The following PCDHGA12 variants were observed in gnomAD, a reference collection of about 807,000 sequenced individuals.
The protein encoded by PCDHGA12 is protocadherin gamma subfamily A, 12, also known as protocadherin gamma-A12.
In PCDHGA12, 43 loss-of-function variants were observed where a neutral mutation model predicts 61.1. That is an observed-to-expected ratio of 0.70 (90% CI 0.55 to 0.91). PCDHGA12 has a LOEUF of 0.91. Among genes scored for constraint, PCDHGA12 ranks in the 40% least tolerant of loss-of-function variants. PCDHGA12 has a pLI of 0.00. For synonymous variants in PCDHGA12, 520 were observed against 542.9 expected, an observed-to-expected ratio of 0.96 and a Z score of 0.59; for missense variants, 1,236 against 1,227.7, an observed-to-expected ratio of 1.01 and a Z score of -0.10.
chr5:141,496,992 C>T (rs1055856428), intron 2 of PCDHGA12, among the ~76,000 whole-genome samples: 2 of 151,918 alleles, frequency 1.3e-5, no homozygotes, highest in African/African-American at 2.4e-5. Context: ...TTGAGACCAG[C>T]CTGGCAGCCA....
At position 141,432,643 on chromosome 5, in the gene PCDHGA12, G is replaced by A. The variant is rs2097523971; in HGVS notation, c.1884G>A (p.Thr628=). 15 of 1,613,754 alleles carry A rather than the reference G, an allele frequency of 9.3e-6. No homozygotes were observed. Among genetic ancestry groups the A allele is most frequent in the East Asian group, 4.5e-5 (2 of 44,860 alleles). The part of the protein sequence containing the change: ...SVGLHTGEVR[T]ARALLDRDAL... ...GTCTGCACACGGGCGAGGTGCGCAC[G>A]GCGCGAGCCCTGCTGGACAGAGACG... The change falls in exon 1 of 4, where the codon ACG becomes ACA. Residue 628 remains threonine, a synonymous_variant. Coordinates refer to ENST00000252085, the MANE Select transcript of PCDHGA12 (RefSeq NM_003735.3). This position sits in a 1 kb window ranked among gnomAD's most constrained non-coding sequence, Gnocchi z 6.0.
At position 141,450,006 on chromosome 5, in the gene PCDHGA12, C is replaced by CTTTTT. The variant is rs1554136305; in HGVS notation, c.2424+16837_2424+16841dup. ...CACATTGCATTTAGTTGCCATGTCTCTTTTTTTTTTTTTTTTTTGAGACAG... is the reference window on the plus strand; with the variant it reads ...CACATTGCATTTAGTTGCCATGTCTCTTTTTTTTTTTTTTTTTTTTTTTGAGACAG... On this transcript the variant is annotated intron_variant, in intron 1 of 3. Transcript: ENST00000252085. Among the ~76,000 whole-genome samples the CTTTTT allele has an allele frequency of 3.4e-4, 45 of 132,908 alleles. 3 individuals carry two copies. Among genetic ancestry groups the CTTTTT allele is most frequent in the South Asian group, 7.1e-4 (3 of 4,236 alleles). 87.2% of individuals were successfully genotyped at this position (132,908 alleles called of 152,430 possible).
In PCDHGA12 at chr5:141,431,469, A is replaced by G; in HGVS notation, c.710A>G (p.Asp237Gly). 1.9e-6 allele frequency: 3 copies of G among 1,613,824 alleles called. No individual in the cohort carries two copies. Among genetic ancestry groups the G allele is most frequent in the Non-Finnish European group, 2.5e-6 (3 of 1,179,968 alleles). ...RIRVMVLDAN[D>G]NAPAFAQPEY... ...CGCGTGATGGTTCTGGATGCGAACG[A>G]CAACGCACCAGCGTTTGCTCAGCCC... is the stretch of plus-strand genomic sequence containing the variant. Residue 237 changes from aspartate to glycine, a missense_variant, in exon 1 of 4, where the codon GAC becomes GGC. Coordinates refer to ENST00000252085, the MANE Select transcript of PCDHGA12 (RefSeq NM_003735.3). This position sits in a 1 kb window ranked among gnomAD's most constrained non-coding sequence, Gnocchi z 4.8.
Position 141,486,335 on chromosome 5 carries a change from C to T in PCDHGA12, c.2425-8472C>T, listed in dbSNP as rs762408704. ...AGGGTCAAACGGAGATGTGAGCCTC[C>T]GCATTCCTGACCACTTGCCATTTGC... On this transcript the variant is annotated intron_variant, in intron 1 of 3. Transcript: ENST00000252085. The surrounding 1 kb of genome is among the most constrained non-coding windows in gnomAD (Gnocchi z 5.0). 6.2e-6 allele frequency: 10 copies of T among 1,613,936 alleles called. No individual in the cohort carries two copies. Among genetic ancestry groups the T allele is most frequent in the Middle Eastern group, 1.6e-4 (1 of 6,082 alleles).
chr5:141,456,633 C>CT (rs1229637837), intron 1 of PCDHGA12, among the ~76,000 whole-genome samples: 1 of 152,182 alleles, frequency 6.6e-6, no homozygotes, highest in Non-Finnish European at 1.5e-5. Context: ...CTCTTCTTTA[C>CT]TACAGGTGTT....
Position 141,477,934 on chromosome 5 carries a change from C to T in PCDHGA12, c.2425-16873C>T. Reference sequence around the variant, plus strand: ...CGGATGCAGGGCACAATGCCTGGCTCTCCTACAGTCTCTTGGGATCCCCTA... The same window carrying T: ...CGGATGCAGGGCACAATGCCTGGCTTTCCTACAGTCTCTTGGGATCCCCTA... On this transcript the variant is annotated intron_variant, in intron 1 of 3. Coordinates refer to ENST00000252085, the MANE Select transcript of PCDHGA12 (RefSeq NM_003735.3). This position sits in a 1 kb window ranked among gnomAD's most constrained non-coding sequence, Gnocchi z 4.9. 3.1e-6 allele frequency: 5 copies of T among 1,614,204 alleles called. No individual in the cohort carries two copies. The highest frequency in any genetic ancestry group is 4.2e-6 in the Non-Finnish European group (5 of 1,180,036).
intron 1 of PCDHGA12, among the ~76,000 whole-genome samples, chr5:141,435,314 G>C (rs1490871069): frequency 6.6e-6 from 1 of 152,006 alleles, no homozygotes; most frequent in African/African-American, 2.4e-5. Flanking sequence ...AATCATTCAT[G>C]AACTTCCAAA....
chr5:141,481,066 A>G (rs1366968394), intron 1 of PCDHGA12, among the ~76,000 whole-genome samples: 1 of 152,156 alleles, frequency 6.6e-6, no homozygotes, highest in Non-Finnish European at 1.5e-5. Flanking sequence ...TCAAAAACAA[A>G]AAGAAAGAAA....
At chr5:141,497,209 TG>T (rs11343387) in intron 2 of PCDHGA12, among the ~76,000 whole-genome samples, 90,704 of 151,262 alleles carry the variant, frequency 0.6, 29,397 homozygotes, top group African/African-American at 0.86. Context: ...GTGAGTGTAA[TG>T]GGGGGGGGAA....
rs781367282 is a variant in PCDHGA12 at position 141,485,525 on chromosome 5, C to G, written c.2425-9282C>G. On this transcript the variant is annotated intron_variant, in intron 1 of 3. Transcript: ENST00000252085. This position sits in a 1 kb window ranked among gnomAD's most constrained non-coding sequence, Gnocchi z 5.7. ...CACCGAAGGTCCTTTGGAAATGTAC[C>G]GAGCAGAGGTAGAGATCGTAGATGT... is the stretch of plus-strand genomic sequence containing the variant. 5 of 1,614,122 alleles carry G rather than the reference C, an allele frequency of 3.1e-6. No homozygotes were observed. The highest frequency in any genetic ancestry group is 2.5e-6 in the Non-Finnish European group (3 of 1,180,022).
chr5:141,472,602 T>A (rs1032061805), intron 1 of PCDHGA12, among the ~76,000 whole-genome samples: 1 of 152,026 alleles, frequency 6.6e-6, no homozygotes, highest in South Asian at 2.1e-4. Context: ...CTTGAAATTA[T>A]AAAACAAAGA....
At position 141,477,896 on chromosome 5, in the gene PCDHGA12, G is replaced by A. The variant is rs1444527086; in HGVS notation, c.2425-16911G>A. 2 of 1,614,174 alleles carry A rather than the reference G, an allele frequency of 1.2e-6. No individual in the cohort carries two copies. Among genetic ancestry groups the A allele is most frequent in the Non-Finnish European group, 1.7e-6 (2 of 1,180,038 alleles). ...AGCTGGCCACCTAGTGTCACGGGTG[G>A]TAGGCTGGGACGCGGATGCAGGGCA... On this transcript the variant is annotated intron_variant, in intron 1 of 3. Coordinates refer to ENST00000252085, the MANE Select transcript of PCDHGA12 (RefSeq NM_003735.3). The surrounding 1 kb of genome is among the most constrained non-coding windows in gnomAD (Gnocchi z 4.9).
At chr5:141,503,133 C>A (rs1164077875) in intron 2 of PCDHGA12, among the ~76,000 whole-genome samples, 1 of 152,002 alleles carries the variant, frequency 6.6e-6, no homozygotes, top group Non-Finnish European at 1.5e-5. Context: ...CTGGTAGCCC[C>A]TGACACAGCC....
chr5:141,486,091 G>A lies in PCDHGA12; in HGVS notation c.2425-8716G>A, dbSNP rs2099624256. On this transcript the variant is annotated intron_variant, in intron 1 of 3. Coordinates refer to ENST00000252085, the MANE Select transcript of PCDHGA12 (RefSeq NM_003735.3). This position sits in a 1 kb window ranked among gnomAD's most constrained non-coding sequence, Gnocchi z 5.0. ...CTACTGGAAAGCTTACTCTTTTGGGGCCCCTAGACTTTGAGAGTGAGAATT... is the reference window on the plus strand; with the variant it reads ...CTACTGGAAAGCTTACTCTTTTGGGACCCCTAGACTTTGAGAGTGAGAATT... 2 of 1,614,158 alleles carry A rather than the reference G, an allele frequency of 1.2e-6. No homozygotes were observed. Among genetic ancestry groups the A allele is most frequent in the Non-Finnish European group, 1.7e-6 (2 of 1,180,024 alleles).
Position 141,431,215 on chromosome 5 carries a change from C to T in PCDHGA12, c.456C>T (p.Phe152=), listed in dbSNP as rs1225114172. The change falls in exon 1 of 4, where the codon TTC becomes TTT. Residue 152 remains phenylalanine, a synonymous_variant. Transcript: ENST00000252085. The surrounding 1 kb of genome is among the most constrained non-coding windows in gnomAD (Gnocchi z 4.8). ...ISENAATEMR[F]PLPHAWDPDI... is the part of the protein sequence containing the mutation. ...AAAATGCAGCCACTGAGATGCGGTT[C>T]CCTCTACCCCACGCCTGGGATCCGG... is the stretch of plus-strand genomic sequence containing the variant. 2.5e-6 allele frequency: 4 copies of T among 1,614,066 alleles called. No homozygotes were observed. The highest frequency in any genetic ancestry group is 1.3e-5 in the African/African-American group (1 of 74,942).
rs767108870 is a variant in PCDHGA12 at position 141,485,169 on chromosome 5, C to T, written c.2425-9638C>T. On this transcript the variant is annotated intron_variant, in intron 1 of 3. Transcript: ENST00000252085. This position sits in a 1 kb window ranked among gnomAD's most constrained non-coding sequence, Gnocchi z 5.7. ...GAGCAAGTAGAGAATTAGCGGGCGG[C>T]AGCAATGCTCCGCAAGGTGAGAAGC... The T allele has an allele frequency of 6.2e-7, 1 of 1,608,524 alleles. No homozygotes were observed. Among genetic ancestry groups the T allele is most frequent in the South Asian group, 1.1e-5 (1 of 90,730 alleles).
intron 1 of PCDHGA12, among the ~76,000 whole-genome samples, chr5:141,461,391 G>A (rs1310387476): frequency 1.3e-5 from 2 of 152,058 alleles, no homozygotes; most frequent in East Asian, 1.9e-4. Context: ...GATGATTAGC[G>A]ATGTTGAGCA....
intron 1 of PCDHGA12, among the ~76,000 whole-genome samples, chr5:141,456,046 C>T (rs759479772): frequency 1.3e-5 from 2 of 151,904 alleles, no homozygotes; most frequent in Non-Finnish European, 2.9e-5. Context: ...TACAGGCGCC[C>T]ACCACCACGT....
intron 1 of PCDHGA12, among the ~76,000 whole-genome samples, chr5:141,436,889 G>T (rs1319754318): frequency 6.6e-6 from 1 of 152,208 alleles, no homozygotes; most frequent in Non-Finnish European, 1.5e-5. Flanking sequence ...ATGGGGGAAA[G>T]ATTTTTATAT....
Sources: gnomAD v4.1 joint callset for allele counts (sites outside exome capture counted in the v4.1 genomes callset) on GRCh38, gnomAD v4.1.1 for gene constraint, Gnocchi (gnomAD v3.1) non-coding constraint, MANE v1.5 for transcripts, NCBI Gene and HGNC (gene_info 2026-07-23, HGNC 2026-07-21) for gene names.